NCAM1: variants seen among roughly 807,000 people sequenced by gnomAD.
NCAM1 encodes the protein antigen recognized by monoclonal antibody 5.1H11.
In NCAM1, 14 loss-of-function variants were observed where a neutral mutation model predicts 109.8. The observed-to-expected ratio is 0.13, with a 90% CI of 0.08 to 0.20. The LOEUF (loss-of-function observed/expected upper bound fraction) is 0.20, where lower values mean the gene tolerates loss of function less well. Among genes scored for constraint, NCAM1 ranks in the 10% least tolerant of loss-of-function variants. NCAM1 has a pLI of 1.00. For missense variants in NCAM1, 774 were observed against 1,109.9 expected (o/e 0.70, Z 4.30); for synonymous variants, 418 against 442.9 (o/e 0.94, Z 0.70).
intron 1 of NCAM1, among the ~76,000 whole-genome samples, chr11:113,144,546 AGTTACT>A (rs1555101019): frequency 6.6e-6 from 1 of 152,244 alleles, no homozygotes; most frequent in Admixed American, 6.5e-5. Flanking sequence ...AATACATTAA[AGTTACT>A]GCTTAAAAGC....
chr11:113,062,653 C>T (rs1016114221), intron 1 of NCAM1, among the ~76,000 whole-genome samples: 8 of 151,952 alleles, frequency 5.3e-5, no homozygotes, highest in Non-Finnish European at 7.4e-5. Flanking sequence ...ACGACCTCTC[C>T]AAGGAGATGA....
At chr11:113,223,442 C>G (rs782278884) in intron 9 of NCAM1, among the ~76,000 whole-genome samples, 2 of 151,840 alleles carry the variant, frequency 1.3e-5, no homozygotes, top group Non-Finnish European at 2.9e-5. Context: ...CTGAAAGAAA[C>G]TAGATAGGAA....
chr11:113,249,002 A>G (rs1945582321), intron 15 of NCAM1, among the ~76,000 whole-genome samples: 1 of 152,136 alleles, frequency 6.6e-6, no homozygotes, highest in Admixed American at 6.5e-5. Context: ...CTCTGTGTAA[A>G]TGGGACTCCC....
intron 1 of NCAM1, among the ~76,000 whole-genome samples, chr11:113,164,684 T>G (rs1249979308): frequency 1.3e-5 from 2 of 151,702 alleles, no homozygotes; most frequent in Non-Finnish European, 2.9e-5. Context: ...TGGAAAGAGG[T>G]TCAGAGCTTC....
At chr11:113,248,502 G>T (rs1945566650) in intron 15 of NCAM1, among the ~76,000 whole-genome samples, 1 of 152,112 alleles carries the variant, frequency 6.6e-6, no homozygotes, top group Non-Finnish European at 1.5e-5. Context: ...CTGGGTATTA[G>T]CAAAGATTTA....
chr11:113,247,024 C>T (rs1555120369), intron 15 of NCAM1, among the ~76,000 whole-genome samples: 1 of 152,176 alleles, frequency 6.6e-6, no homozygotes, highest in African/African-American at 2.4e-5. Context: ...TTGGCAATTA[C>T]CATGAATGGA....
At position 113,255,874 on chromosome 11, in the gene NCAM1, C is replaced by T. The variant is rs1193432507; in HGVS notation, c.1829-3C>T. 1.2e-6 allele frequency: 2 copies of T among 1,612,112 alleles called. No individual in the cohort carries two copies. The highest frequency in any genetic ancestry group is 1.7e-6 in the Non-Finnish European group (2 of 1,179,292). ...TTTCATGTGAATTAACTGGCTGTTT[C>T]AGGGGAACCCAGTGCACCTAAGCTC... On this transcript the variant is annotated splice_region_variant and splice_polypyrimidine_tract_variant and intron_variant, in intron 15 of 19. Coordinates refer to ENST00000316851, the MANE Select transcript of NCAM1 (RefSeq NM_181351.5).
At chr11:113,125,549 T>C (rs370297624) in intron 1 of NCAM1, among the ~76,000 whole-genome samples, 2 of 152,342 alleles carry the variant, frequency 1.3e-5, no homozygotes, top group African/African-American at 4.8e-5. Context: ...TTACACGCTA[T>C]TGGCTTTCAG....
intron 13 of NCAM1, among the ~76,000 whole-genome samples, chr11:113,234,054 T>C (rs1945089629): frequency 6.6e-6 from 1 of 152,018 alleles, no homozygotes; most frequent in South Asian, 2.1e-4. Context: ...CATAGTCCAG[T>C]GCAGTTTCAC....
intron 15 of NCAM1, among the ~76,000 whole-genome samples, chr11:113,247,420 C>T (rs1053910412): frequency 2.0e-5 from 3 of 152,132 alleles, no homozygotes; most frequent in East Asian, 1.9e-4. Flanking sequence ...ACTGATTGGG[C>T]GACATCCACA....
At chr11:112,993,378 G>C (rs1326303925) in intron 1 of NCAM1, among the ~76,000 whole-genome samples, 1 of 152,192 alleles carries the variant, frequency 6.6e-6, no homozygotes, top group Non-Finnish European at 1.5e-5. Context: ...CTATCATGAA[G>C]ATGGCACCAA....
intron 1 of NCAM1, among the ~76,000 whole-genome samples, chr11:112,969,626 T>C (rs1412462633): frequency 6.6e-6 from 1 of 152,090 alleles, no homozygotes; most frequent in African/African-American, 2.4e-5. Context: ...CTTGGTGAGC[T>C]GAAATAAAAC....
intron 1 of NCAM1, among the ~76,000 whole-genome samples, chr11:113,121,377 C>T (rs1051500183): frequency 1.3e-5 from 2 of 151,362 alleles, no homozygotes; most frequent in Non-Finnish European, 1.5e-5. Flanking sequence ...CATGCCACTA[C>T]ACCCCGCTAA....
chr11:113,125,582 G>C (rs1941141487), intron 1 of NCAM1, among the ~76,000 whole-genome samples: 1 of 152,224 alleles, frequency 6.6e-6, no homozygotes, highest in Admixed American at 6.5e-5. Context: ...TTCAGCAGCA[G>C]TGGCTTATAC....
intron 1 of NCAM1, among the ~76,000 whole-genome samples, chr11:113,192,803 T>G (rs1168994517): frequency 6.6e-6 from 1 of 152,200 alleles, no homozygotes; most frequent in Non-Finnish European, 1.5e-5. Context: ...TTTTCCTACC[T>G]ATAAAATGAA....
chr11:113,200,404 C>A (rs949573173), intron 1 of NCAM1, among the ~76,000 whole-genome samples: 17 of 152,224 alleles, frequency 1.1e-4, no homozygotes, highest in Non-Finnish European at 8.8e-5. Context: ...CTTATCAATT[C>A]ATGGGCTCTC....
intron 1 of NCAM1, among the ~76,000 whole-genome samples, chr11:112,964,151 T>G (rs1478867321): frequency 2.6e-3 from 11 of 4,312 alleles, no homozygotes; most frequent in African/African-American, 6.5e-3. Flanking sequence ...TTTTTTTTTT[T>G]TTTGTTTTTT....
At chr11:112,982,421 T>C (rs1951177619) in intron 1 of NCAM1, among the ~76,000 whole-genome samples, 1 of 151,932 alleles carries the variant, frequency 6.6e-6, no homozygotes, top group Non-Finnish European at 1.5e-5. Context: ...AGGAGGTCAT[T>C]GGAAGCAGCA....
chr11:113,091,530 G>A (rs559686119), intron 1 of NCAM1, among the ~76,000 whole-genome samples: 2 of 152,344 alleles, frequency 1.3e-5, no homozygotes, highest in East Asian at 1.9e-4. Flanking sequence ...ATGTTAAGAT[G>A]TAGAAAGTAG....
Sources: gnomAD v4.1 joint callset for allele counts (sites outside exome capture counted in the v4.1 genomes callset) on GRCh38, gnomAD v4.1.1 for gene constraint, MANE v1.5 for transcripts, NCBI Gene and HGNC (gene_info 2026-07-23, HGNC 2026-07-21) for gene names.